Variants in ZDHHC20 observed in about 807,000 individuals in gnomAD.
The protein encoded by ZDHHC20 is zDHHC palmitoyltransferase 20.
Under a neutral mutation model 57.8 loss-of-function variants are expected in ZDHHC20, and 43 were observed. The observed-to-expected ratio is 0.74, with a 90% CI of 0.58 to 0.96. ZDHHC20 has a LOEUF of 0.96. Among genes scored for constraint, ZDHHC20 ranks in the 40% least tolerant of loss-of-function variants. The pLI, the probability that ZDHHC20 is intolerant of heterozygous loss-of-function variation, is 0.00. For missense variants in ZDHHC20, 391 were observed against 441.1 expected (o/e 0.89, Z 1.02); for synonymous variants, 157 against 153.0 (o/e 1.03, Z -0.19).
intron 1 of ZDHHC20, among the ~76,000 whole-genome samples, chr13:21,455,663 TG>T (rs1884862610): frequency 1.4e-5 from 2 of 145,106 alleles, no homozygotes; most frequent in South Asian, 2.1e-4. Context: ...TGTGTGTGTG[TG>T]TGTGTGTGTC....
intron 3 of ZDHHC20, among the ~76,000 whole-genome samples, chr13:21,420,538 AAG>A (rs1856136077): frequency 6.6e-6 from 1 of 152,236 alleles, no homozygotes; most frequent in South Asian, 2.1e-4. Flanking sequence ...ATGGAGAGGT[AAG>A]AGAGACACTG....
intron 2 of ZDHHC20, 52 bp from the exon 3 acceptor site, chr13:21,421,216 A>AAAGC: frequency 7.0e-7 from 1 of 1,435,586 alleles, no homozygotes; most frequent in Non-Finnish European, 9.7e-7. Context: ...AAAACAGCAA[A>AAAGC]AAGCATTACA....
chr13:21,425,579 A>G (rs922396909), intron 2 of ZDHHC20, 73 bp downstream of exon 2: 7 of 1,068,458 alleles, frequency 6.6e-6, no homozygotes, highest in Non-Finnish European at 6.3e-6. Flanking sequence ...TGCATTCATC[A>G]CTAAATAAAA....
rs999379676 is a variant in ZDHHC20 at position 21,425,781 on chromosome 13, A to T, written c.119-103T>A. 4 of 781,210 alleles carry T rather than the reference A, an allele frequency of 5.1e-6. No individual in the cohort carries two copies. In the African/African-American group the frequency reaches 7.4e-5, roughly 14 times the overall value. The allele number at this position is 781,210 out of a possible 1,614,324, so 48.4% of individuals were successfully genotyped here. ...ATCTTAATATCATTTTCAAAAAAAT[A>T]AACTTTAGTTATAAATTGTAGACAC... On this transcript the variant is annotated intron_variant, in intron 1 of 12. Coordinates refer to ENST00000400590, the MANE Select transcript of ZDHHC20 (RefSeq NM_001330059.2).
intron 3 of ZDHHC20, among the ~76,000 whole-genome samples, chr13:21,419,930 C>T (rs9509692): frequency 0.17 from 26,445 of 152,154 alleles, 2,820 homozygotes; most frequent in Non-Finnish European, 0.25. Context: ...CAAAGGGAAA[C>T]GATTACATTA....
intron 1 of ZDHHC20, among the ~76,000 whole-genome samples, chr13:21,454,158 T>C (rs1273441689): frequency 1.3e-5 from 2 of 152,118 alleles, no homozygotes; most frequent in Non-Finnish European, 2.9e-5. Flanking sequence ...AAACCCCATC[T>C]CTACTAAAAA....
intron 1 of ZDHHC20, among the ~76,000 whole-genome samples, chr13:21,458,138 A>G (rs772306475): frequency 6.6e-6 from 1 of 152,224 alleles, no homozygotes; most frequent in Non-Finnish European, 1.5e-5. Flanking sequence ...CAAATGTAGC[A>G]GTCACCCCTA....
chr13:21,429,704 T>A (rs1881693172), intron 1 of ZDHHC20, among the ~76,000 whole-genome samples: 1 of 152,174 alleles, frequency 6.6e-6, no homozygotes, highest in Non-Finnish European at 1.5e-5. Context: ...GTCTTTCTTC[T>A]CCCCTGGGAC....
At chr13:21,457,359 GA>G (rs1297135469) in intron 1 of ZDHHC20, among the ~76,000 whole-genome samples, 4 of 152,128 alleles carry the variant, frequency 2.6e-5, no homozygotes, top group Admixed American at 6.6e-5. Flanking sequence ...ATAACTTTTA[GA>G]ATAAATGCCC....
intron 4 of ZDHHC20, among the ~76,000 whole-genome samples, chr13:21,408,893 G>A (rs777021920): frequency 2.7e-5 from 4 of 150,666 alleles, no homozygotes; most frequent in East Asian, 1.9e-4. Flanking sequence ...TCATTGGTTC[G>A]ATGTGATGGA....
chr13:21,454,141 C>G (rs926083266), intron 1 of ZDHHC20, among the ~76,000 whole-genome samples: 2 of 152,152 alleles, frequency 1.3e-5, no homozygotes, highest in African/African-American at 4.8e-5. Context: ...CCCTGGCCAA[C>G]ATGGCAAAAC....
intron 4 of ZDHHC20, among the ~76,000 whole-genome samples, chr13:21,405,172 A>T (rs1267908487): frequency 6.6e-6 from 1 of 152,122 alleles, no homozygotes; most frequent in Non-Finnish European, 1.5e-5. Flanking sequence ...TTACTTCTAT[A>T]ATGTAAATAA....
intron 7 of ZDHHC20, among the ~76,000 whole-genome samples, chr13:21,394,104 C>A (rs1349373573): frequency 6.6e-6 from 1 of 152,136 alleles, no homozygotes; most frequent in Admixed American, 6.5e-5. Context: ...AGATCATGTC[C>A]CAACCTGGCT....
At chr13:21,425,630 A>G in intron 2 of ZDHHC20, 22 bp downstream of exon 2, 1 of 1,197,642 alleles carries the variant, frequency 8.3e-7, no homozygotes, top group South Asian at 1.6e-5. Context: ...TTTAACTTAA[A>G]TTGAAACTAA....
rs923555566 is a variant in ZDHHC20 at position 21,375,740 on chromosome 13, A to T, written c.*956T>A. On this transcript the variant is annotated 3_prime_UTR_variant, in exon 13 of 13. Transcript: ENST00000400590. Reference sequence around the variant, plus strand: ...ATTTTTAGTCATTACCTACACTGAAATTTGAAAGTGAAGTCAACAGCATGC... The same window carrying T: ...ATTTTTAGTCATTACCTACACTGAATTTTGAAAGTGAAGTCAACAGCATGC... The T allele has an allele frequency of 1.3e-5, 2 of 152,304 alleles. No individual in the cohort carries two copies. The highest frequency in any genetic ancestry group is 2.9e-5 in the Non-Finnish European group (2 of 68,110). The allele number at this position is 152,304 out of a possible 1,614,324, so 9.4% of individuals were successfully genotyped here.
intron 7 of ZDHHC20, among the ~76,000 whole-genome samples, chr13:21,393,191 T>TTC (rs200881038): frequency 3.1e-4 from 33 of 106,914 alleles, no homozygotes; most frequent in Non-Finnish European, 5.1e-4. Flanking sequence ...TCTTTTTTCT[T>TTC]TTTTTTTTTT....
intron 2 of ZDHHC20, 71 bp from the exon 3 acceptor site, chr13:21,421,235 CAAT>C (rs768467871): frequency 1.1e-5 from 14 of 1,236,176 alleles, no homozygotes; most frequent in Non-Finnish European, 1.6e-5. Flanking sequence ...CATTAAAACA[CAAT>C]AATTGGGTCA....
chr13:21,401,609 C>T, intron 6 of ZDHHC20, 44 bp downstream of exon 6: 1 of 1,517,640 alleles, frequency 6.6e-7, no homozygotes, highest in Non-Finnish European at 8.8e-7. Flanking sequence ...TCTAAATTCT[C>T]TCTCTCACCA....
intron 10 of ZDHHC20, among the ~76,000 whole-genome samples, chr13:21,382,487 T>A (rs1873599871): frequency 6.6e-6 from 1 of 152,204 alleles, no homozygotes; most frequent in African/African-American, 2.4e-5. Flanking sequence ...ATGAAAAAAA[T>A]TTGTATTTTT....
Sources: allele counts gnomAD v4.1 joint callset (sites outside exome capture counted in the v4.1 genomes callset), GRCh38; gene constraint gnomAD v4.1.1; transcripts MANE v1.5; gene names NCBI Gene and HGNC (gene_info 2026-07-23, HGNC 2026-07-21).